The following ARHGAP21 variants were observed in gnomAD, a reference collection of about 807,000 sequenced individuals.
The protein encoded by ARHGAP21 is rho GTPase-activating protein 21.
Under a neutral mutation model 164.6 loss-of-function variants are expected in ARHGAP21, and 38 were observed. The observed-to-expected ratio is 0.23, with a 90% CI of 0.18 to 0.30. The LOEUF is 0.30. Ranked by LOEUF, ARHGAP21 falls within the 10% of genes least tolerant of loss-of-function variation. The pLI is 1.00. For synonymous variants in ARHGAP21, 766 were observed against 857.9 expected (o/e 0.89, Z 1.87); for missense variants, 1,822 against 2,370.7 (o/e 0.77, Z 4.81).
intron 4 of ARHGAP21, among the ~76,000 whole-genome samples, chr10:24,638,118 G>T (rs1457573218): frequency 6.6e-6 from 1 of 151,926 alleles, no homozygotes. Context: ...ACCCTCCTCG[G>T]CTTCCCAAAG....
intron 2 of ARHGAP21, among the ~76,000 whole-genome samples, chr10:24,720,769 T>G (rs556412471): frequency 5.9e-5 from 9 of 152,116 alleles, no homozygotes; most frequent in Non-Finnish European, 1.3e-4. Context: ...AAATTTAACA[T>G]CCGGTGCAAA....
chr10:24,696,122 T>C (rs1167162024), intron 2 of ARHGAP21, among the ~76,000 whole-genome samples: 1 of 152,230 alleles, frequency 6.6e-6, no homozygotes, highest in Non-Finnish European at 1.5e-5. Context: ...TTCCAGGCAT[T>C]GGACATCAGG....
At chr10:24,611,969 A>T (rs1032197876) in intron 9 of ARHGAP21, among the ~76,000 whole-genome samples, 2 of 152,106 alleles carry the variant, frequency 1.3e-5, no homozygotes, top group African/African-American at 2.4e-5. Flanking sequence ...ATAACACCCA[A>T]TGTCCACTGT....
chr10:24,623,187 C>T (rs954906798), intron 7 of ARHGAP21, among the ~76,000 whole-genome samples: 1 of 152,142 alleles, frequency 6.6e-6, no homozygotes, highest in African/African-American at 2.4e-5. Flanking sequence ...ATAGTACAAC[C>T]TCCTCCTTCC....
intron 7 of ARHGAP21, among the ~76,000 whole-genome samples, chr10:24,628,778 TATATACACAC>T (rs1835397560): frequency 7.2e-6 from 1 of 138,456 alleles, no homozygotes; most frequent in East Asian, 2.0e-4. Flanking sequence ...TGTGCATATA[TATATACACAC>T]ATATATACAC....
intron 2 of ARHGAP21, among the ~76,000 whole-genome samples, chr10:24,674,147 C>A (rs1840985690): frequency 6.6e-6 from 1 of 152,174 alleles, no homozygotes; most frequent in African/African-American, 2.4e-5. Context: ...GTAATCCCAG[C>A]ACTTTGGGAG....
chr10:24,704,366 C>T (rs1844011649), intron 2 of ARHGAP21, among the ~76,000 whole-genome samples: 1 of 150,174 alleles, frequency 6.7e-6, no homozygotes, highest in East Asian at 2.0e-4. Flanking sequence ...TCTCAGCTCA[C>T]TGCAACCTCC....
chr10:24,622,737 G>A lies in ARHGAP21; in HGVS notation c.521C>T (p.Ala174Val). The change falls in exon 8 of 26, where the codon GCA (alanine) becomes GTA (valine). Residue 174 changes from alanine (A) to valine (V), a missense_variant. Physicochemically the swap from Ala to Val is moderately conservative, Grantham distance 64. Coordinates refer to ENST00000396432, the MANE Select transcript of ARHGAP21 (RefSeq NM_020824.4). The part of the protein sequence containing the change: ...QVLQFTKDVT[A>V]LAYSQDAYLK... ...TGGCTACTGTGCATTTCTTACCAGT[G>A]CTGTGACATCCTTTGTAAACTGTAG... 6.2e-7 allele frequency: 1 copy of A among 1,611,658 alleles called. No homozygotes were observed. Among genetic ancestry groups the A allele is most frequent in the Non-Finnish European group, 8.5e-7 (1 of 1,179,134 alleles).
At position 24,657,236 on chromosome 10, in the gene ARHGAP21, A is replaced by T. The variant is rs370473840; in HGVS notation, c.268+9749T>A. 4.1e-4 allele frequency among the ~76,000 whole-genome samples: 3 copies of T among 7,286 alleles called. 1 individual carries two copies. The highest frequency in any genetic ancestry group is 6.7e-4 in the Non-Finnish European group (3 of 4,460). 4.8% of individuals were successfully genotyped at this position (7,286 alleles called of 152,430 possible). Reference sequence around the variant, plus strand: ...CCTCTGCCCGGCCAGCCGCCCCGTCAGGGAGGGAGGTGGGGGGGTCAGCCC... The same window carrying T: ...CCTCTGCCCGGCCAGCCGCCCCGTCTGGGAGGGAGGTGGGGGGGTCAGCCC... On this transcript the variant is annotated intron_variant, in intron 4 of 25. Transcript: ENST00000396432.
intron 2 of ARHGAP21, among the ~76,000 whole-genome samples, chr10:24,692,373 C>T (rs1218044769): frequency 6.6e-6 from 1 of 152,184 alleles, no homozygotes; most frequent in Non-Finnish European, 1.5e-5. Context: ...AAAACTGGTA[C>T]AATTCTTCTT....
chr10:24,676,190 A>G (rs1446146872), intron 2 of ARHGAP21, among the ~76,000 whole-genome samples: 1 of 152,230 alleles, frequency 6.6e-6, no homozygotes, highest in Non-Finnish European at 1.5e-5. Flanking sequence ...AAATGATTCT[A>G]GAATTTAACA....
At chr10:24,707,252 G>C (rs1300075872) in intron 2 of ARHGAP21, among the ~76,000 whole-genome samples, 1 of 152,192 alleles carries the variant, frequency 6.6e-6, no homozygotes, top group Non-Finnish European at 1.5e-5. Flanking sequence ...TATCCTTTAA[G>C]CTTCAAATCA....
chr10:24,692,220 C>T (rs1842814427), intron 2 of ARHGAP21, among the ~76,000 whole-genome samples: 1 of 152,060 alleles, frequency 6.6e-6, no homozygotes, highest in South Asian at 2.1e-4. Context: ...CTGTAAGGTG[C>T]CAGTGGAGAT....
intron 7 of ARHGAP21, among the ~76,000 whole-genome samples, chr10:24,628,750 A>AAT (rs1491497603): frequency 9.9e-6 from 1 of 101,166 alleles, no homozygotes; most frequent in Non-Finnish European, 1.8e-5. Flanking sequence ...TCTTGAATGA[A>AAT]ATATGTGTGT....
chr10:24,604,460 T>G (rs958369668), intron 11 of ARHGAP21, 112 bp from the exon 12 acceptor site: 1 of 667,294 alleles, frequency 1.5e-6, no homozygotes, highest in Non-Finnish European at 2.4e-6. Context: ...TGACATTTCA[T>G]CATTATCATG....
At chr10:24,711,170 G>A (rs1844779381) in intron 2 of ARHGAP21, among the ~76,000 whole-genome samples, 1 of 148,626 alleles carries the variant, frequency 6.7e-6, no homozygotes, top group African/African-American at 2.5e-5. Flanking sequence ...AAAAGAGAAA[G>A]AAAGAGAGAA....
At chr10:24,669,381 T>G (rs1297652412) in intron 3 of ARHGAP21, among the ~76,000 whole-genome samples, 2 of 152,198 alleles carry the variant, frequency 1.3e-5, no homozygotes, top group African/African-American at 2.4e-5. Context: ...TCTAGTTCAA[T>G]TCCTACAAAT....
At chr10:24,596,319 G>A (rs907774291) in intron 17 of ARHGAP21, 2 of 429,980 alleles carry the variant, frequency 4.7e-6, no homozygotes, top group South Asian at 5.3e-5. Context: ...TGTGGAAACC[G>A]TTCCGCTGAA....
chr10:24,696,173 A>T (rs1843155292), intron 2 of ARHGAP21, among the ~76,000 whole-genome samples: 1 of 152,214 alleles, frequency 6.6e-6, no homozygotes, highest in Non-Finnish European at 1.5e-5. Flanking sequence ...GGACACAAAC[A>T]GTGGGCCCTA....
Sources: gnomAD v4.1 joint callset for allele counts (sites outside exome capture counted in the v4.1 genomes callset) on GRCh38, gnomAD v4.1.1 for gene constraint, MANE v1.5 for transcripts, NCBI Gene and HGNC (gene_info 2026-07-23, HGNC 2026-07-21) for gene names.